The following SESN2 variants were observed in gnomAD, a reference collection of about 807,000 sequenced individuals.
SESN2 encodes sestrin 2, also known as sestrin-2.
A neutral mutation model predicts 56.0 loss-of-function variants in SESN2; 42 were observed. The observed-to-expected ratio is 0.75, with a 90% CI of 0.59 to 0.97. SESN2 has a LOEUF of 0.97. Ranked by LOEUF, SESN2 falls within the 50% of genes least tolerant of loss-of-function variation. SESN2 has a pLI of 0.00. For missense variants in SESN2, 507 were observed against 649.4 expected (o/e 0.78, Z 2.38); for synonymous variants, 264 against 267.1 (o/e 0.99, Z 0.11).
chr1:28,264,851 T>A (rs926780030), intron 1 of SESN2, among the ~76,000 whole-genome samples: 1 of 152,162 alleles, frequency 6.6e-6, no homozygotes, highest in Non-Finnish European at 1.5e-5. Flanking sequence ...AGAACTAGAT[T>A]CAGTGTGTGC....
chr1:28,273,856 A>T lies in SESN2; in HGVS notation c.902-184A>T, dbSNP rs149301505. 1.5e-3 allele frequency among the ~76,000 whole-genome samples: 232 copies of T among 152,266 alleles called. 1 individual carries two copies. Among genetic ancestry groups the T allele is most frequent in the African/African-American group, 5.2e-3 (214 of 41,542 alleles). On this transcript the variant is annotated intron_variant, in intron 6 of 9. Coordinates refer to ENST00000253063, the MANE Select transcript of SESN2 (RefSeq NM_031459.5). ...ACCAGGGGCCTCGCTTCATGGGTCCATGGGCCTGATCCACCCCCTCCCCAA... is the reference window on the plus strand; with the variant it reads ...ACCAGGGGCCTCGCTTCATGGGTCCTTGGGCCTGATCCACCCCCTCCCCAA...
chr1:28,275,600 A>G (rs1456864780), intron 8 of SESN2, among the ~76,000 whole-genome samples: 1 of 151,988 alleles, frequency 6.6e-6, no homozygotes, highest in Non-Finnish European at 1.5e-5. Flanking sequence ...AAAAATAAAA[A>G]AATTAGCTGG....
In SESN2 at chr1:28,280,899, C is replaced by A; in HGVS notation, c.*97C>A. On this transcript the variant is annotated 3_prime_UTR_variant, in exon 10 of 10. Coordinates refer to ENST00000253063, the MANE Select transcript of SESN2 (RefSeq NM_031459.5). ...TTTTGTGTCCCATGCCCACCCTCCC[C>A]ACGCTGCAGTGGGCTTGTGTGTGAT... The A allele has an allele frequency of 2.2e-6, 2 of 894,186 alleles. No homozygotes were observed. The highest frequency in any genetic ancestry group is 2.5e-5 in the East Asian group (1 of 40,726). The allele number at this position is 894,186 out of a possible 1,614,324, so 55.4% of individuals were successfully genotyped here. A position where few individuals can be genotyped will look rare whatever the true frequency, so the allele number is the denominator to read the frequency against.
chr1:28,279,449 C>G (rs1481308300), intron 9 of SESN2, among the ~76,000 whole-genome samples: 1 of 152,210 alleles, frequency 6.6e-6, no homozygotes, highest in African/African-American at 2.4e-5. Context: ...AGGGTGCCTG[C>G]TTCACATTAG....
At chr1:28,275,435 T>G (rs1156398400) in intron 8 of SESN2, among the ~76,000 whole-genome samples, 2 of 152,180 alleles carry the variant, frequency 1.3e-5, no homozygotes, top group Non-Finnish European at 2.9e-5. Context: ...GATACGTCTA[T>G]TCAGTGAAAT....
chr1:28,271,340 ACT>A (rs1195636120), intron 2 of SESN2, among the ~76,000 whole-genome samples: 2 of 152,068 alleles, frequency 1.3e-5, no homozygotes, highest in South Asian at 2.1e-4. Context: ...CTGTACTTTT[ACT>A]CTCTGTGCCT....
intron 1 of SESN2, among the ~76,000 whole-genome samples, chr1:28,261,584 T>C (rs778559889): frequency 4.6e-5 from 7 of 152,246 alleles, no homozygotes; most frequent in Non-Finnish European, 1.0e-4. Context: ...AACGTGGCCA[T>C]GGCACGCACA....
At chr1:28,266,340 G>T (rs938076601) in intron 1 of SESN2, among the ~76,000 whole-genome samples, 7 of 152,132 alleles carry the variant, frequency 4.6e-5, no homozygotes, top group African/African-American at 1.7e-4. Context: ...ACAGCAAGGA[G>T]GTTAATGATA....
intron 2 of SESN2, among the ~76,000 whole-genome samples, chr1:28,271,374 G>A (rs1474324061): frequency 2.0e-5 from 3 of 152,186 alleles, no homozygotes; most frequent in South Asian, 4.1e-4. Context: ...CCTAAAAGTG[G>A]AGAAACAGAA....
At chr1:28,261,954 T>C (rs1165624226) in intron 1 of SESN2, among the ~76,000 whole-genome samples, 1 of 152,056 alleles carries the variant, frequency 6.6e-6, no homozygotes, top group Non-Finnish European at 1.5e-5. Flanking sequence ...CTAATTTTTG[T>C]ATTTTCAGTA....
At chr1:28,269,857 TA>T (rs1407276699) in intron 2 of SESN2, among the ~76,000 whole-genome samples, 38 of 152,364 alleles carry the variant, frequency 2.5e-4, no homozygotes, top group Admixed American at 1.2e-3. Context: ...TTCATTTACT[TA>T]ACATATCTAT....
intron 2 of SESN2, 139 bp from the exon 3 acceptor site, chr1:28,271,535 A>G (rs1647775375): frequency 1.6e-6 from 1 of 633,420 alleles, no homozygotes; most frequent in East Asian, 2.7e-5. Flanking sequence ...AAAATATGTG[A>G]TCCTCCCCAT....
At chr1:28,261,779 C>CTTT (rs35935502) in intron 1 of SESN2, among the ~76,000 whole-genome samples, 6 of 129,632 alleles carry the variant, frequency 4.6e-5, no homozygotes, top group Non-Finnish European at 6.5e-5. Context: ...TTTTTCTTAT[C>CTTT]TTTTTTTTTT....
Position 28,280,932 on chromosome 1 carries a change from C to G in SESN2, c.*130C>G. On this transcript the variant is annotated 3_prime_UTR_variant, in exon 10 of 10. Coordinates refer to ENST00000253063, the MANE Select transcript of SESN2 (RefSeq NM_031459.5). ...AGTGGGCTTGTGTGTGATGTGCAGT[C>G]CCGAAGCCACACCCTCCCTTTTCCT... 1.5e-6 allele frequency: 1 copy of G among 673,362 alleles called. No homozygotes were observed. The highest frequency in any genetic ancestry group is 2.6e-6 in the Non-Finnish European group (1 of 377,628). 41.7% of individuals were successfully genotyped at this position (673,362 alleles called of 1,614,324 possible).
rs1413279693 is a variant in SESN2, at chr1:28,281,297, G to A, written c.*495G>A. On this transcript the variant is annotated 3_prime_UTR_variant, in exon 10 of 10. Coordinates refer to ENST00000253063, the MANE Select transcript of SESN2 (RefSeq NM_031459.5). ...CATCAATGTGAAAGTCAGGGTCACA[G>A]CTGGTCTGTGTGTCCAGTTCCCTAA... is the stretch of plus-strand genomic sequence containing the variant. The A allele has an allele frequency of 1.9e-5, 3 of 155,934 alleles. No individual in the cohort carries two copies. The highest frequency in any genetic ancestry group is 1.9e-4 in the Admixed American group (3 of 15,772). The allele number at this position is 155,934 out of a possible 1,614,324, so 9.7% of individuals were successfully genotyped here. A position where few individuals can be genotyped will look rare whatever the true frequency, so the allele number is the denominator to read the frequency against.
At position 28,268,469 on chromosome 1, in the gene SESN2, C is replaced by A. The variant is rs571966987; in HGVS notation, c.91-714C>A. On this transcript the variant is annotated intron_variant, in intron 1 of 9. Coordinates refer to ENST00000253063, the MANE Select transcript of SESN2 (RefSeq NM_031459.5). ...TCACCTGAGGTTGGGGATTCGAGAC[C>A]AGCCTGGCCAACATGGAGAAACCCA... Among the ~76,000 whole-genome samples, 67 of 152,096 alleles carry A rather than the reference C, an allele frequency of 4.4e-4. 3 individuals are homozygous for A. In the South Asian group the frequency reaches 0.013, roughly 30 times the overall value.
intron 8 of SESN2, among the ~76,000 whole-genome samples, chr1:28,275,582 G>A (rs568980509): frequency 2.7e-5 from 4 of 150,684 alleles, no homozygotes; most frequent in African/African-American, 9.8e-5. Flanking sequence ...GTGAAACCCC[G>A]TTCTACTAAA....
At chr1:28,268,007 A>G (rs772957268) in intron 1 of SESN2, among the ~76,000 whole-genome samples, 14 of 152,180 alleles carry the variant, frequency 9.2e-5, no homozygotes, top group Non-Finnish European at 1.6e-4. Flanking sequence ...TTCCTAGACT[A>G]TTGTGGTTTA....
chr1:28,268,094 A>G (rs1301103398), intron 1 of SESN2, among the ~76,000 whole-genome samples: 1 of 152,140 alleles, frequency 6.6e-6, no homozygotes, highest in Non-Finnish European at 1.5e-5. Flanking sequence ...TAGGGTTTTA[A>G]GCCAGTTGAT....
Sources: gnomAD v4.1 joint callset for allele counts (sites outside exome capture counted in the v4.1 genomes callset) on GRCh38, gnomAD v4.1.1 for gene constraint, MANE v1.5 for transcripts, NCBI Gene and HGNC (gene_info 2026-07-23, HGNC 2026-07-21) for gene names.